Variants in TNFSF13 observed in about 807,000 individuals in gnomAD.
The protein encoded by TNFSF13 is TNF superfamily member 13.
In TNFSF13, 18 loss-of-function variants were observed where a neutral mutation model predicts 30.7. That is an observed-to-expected ratio of 0.59 (90% CI 0.41 to 0.87). The LOEUF (loss-of-function observed/expected upper bound fraction) is 0.87, where lower values mean the gene tolerates loss of function less well. Ranked by LOEUF, TNFSF13 falls within the 40% of genes least tolerant of loss-of-function variation. TNFSF13 has a pLI of 0.00. For missense variants in TNFSF13, 286 were observed against 308.8 expected (o/e 0.93, Z 0.55); for synonymous variants, 116 against 123.2 (o/e 0.94, Z 0.39).
chr17:7,560,395 CG>C lies in TNFSF13; in HGVS notation c.551del (p.Arg184GlnfsTer14). The C allele has an allele frequency of 6.2e-7, 1 of 1,614,134 alleles. No individual in the cohort carries two copies. The highest frequency in any genetic ancestry group is 2.2e-5 in the East Asian group (1 of 44,884). ...VTFTMGQVVS[R>X]EGQGRQETLF... ...TTTCACCATGGGTCAGGTGGTGTCT[CG>C]AGAAGGCCAAGGAAGGCAGGAGACT... On this transcript the variant is annotated frameshift_variant, in exon 5 of 6. Transcript: ENST00000338784. LOFTEE classifies it high-confidence loss of function.
At position 7,560,352 on chromosome 17, in the gene TNFSF13, C is replaced by T. The variant is rs754944826; in HGVS notation, c.507C>T (p.Val169=). 43 of 1,614,058 alleles carry T rather than the reference C, an allele frequency of 2.7e-5. No homozygotes were observed. In the Admixed American group the frequency reaches 6.8e-4, roughly 26 times the overall value. Residue 169 remains valine (V), a splice_region_variant and synonymous_variant, in exon 5 of 6, where the codon GTC becomes GTT. Coordinates refer to ENST00000338784, the MANE Select transcript of TNFSF13 (RefSeq NM_003808.4). ...TCAACATCTCCCTTCCCTGCCAGGTCCTGTTTCAAGACGTGACTTTCACCA... is the reference window on the plus strand; with the variant it reads ...TCAACATCTCCCTTCCCTGCCAGGTTCTGTTTCAAGACGTGACTTTCACCA... ...DAGVYLLYSQ[V]LFQDVTFTMG...
In TNFSF13 at chr17:7,559,843, C is replaced by T. The variant is rs200780297; in HGVS notation, c.338-3C>T. ...GGCTGAGATTCCCTCCTTCTCTCCT[C>T]AGAGCAGCACTCTGTCCTGCACCTG... On this transcript the variant is annotated splice_region_variant and splice_polypyrimidine_tract_variant and intron_variant, in intron 2 of 5. Transcript: ENST00000338784. This position sits in a 1 kb window ranked among gnomAD's most constrained non-coding sequence, Gnocchi z 5.4. 6.2e-7 allele frequency: 1 copy of T among 1,614,082 alleles called. No individual in the cohort carries two copies. The highest frequency in any genetic ancestry group is 2.2e-5 in the East Asian group (1 of 44,880).
At chr17:7,558,482 C>CT (rs2071107233), upstream of TNFSF13, 1 of 152,664 alleles carries the variant, frequency 6.6e-6, no homozygotes, top group Non-Finnish European at 1.5e-5. The surrounding 1 kb of genome is among the most constrained non-coding windows in gnomAD (Gnocchi z 4.3). Context: ...CCCCAGAACT[C>CT]AGCCAGTTTC....
Position 7,559,226 on chromosome 17 carries a change from A to G in TNFSF13, c.187A>G (p.Ser63Gly), listed in dbSNP as rs2071126509. ...TELQSLRREV[S>G]RLQGTGGPSQ... The stretch of plus-strand genomic sequence containing the variant: ...GCTGCAGAGCCTCAGGAGAGAGGTG[A>G]GCCGGCTGCAGGGGACAGGAGGCCC... The change falls in exon 1 of 6, where the codon AGC (serine) becomes GGC (glycine). Residue 63 changes from serine (S) to glycine (G), a missense_variant. Physicochemically the swap from Ser to Gly is moderately conservative, Grantham distance 56. Transcript: ENST00000338784. The surrounding 1 kb of genome is among the most constrained non-coding windows in gnomAD (Gnocchi z 5.4). 1.2e-6 allele frequency: 2 copies of G among 1,610,902 alleles called. No homozygotes were observed. The highest frequency in any genetic ancestry group is 1.7e-5 in the Admixed American group (1 of 59,868).
rs900283109 is a variant in TNFSF13 at position 7,560,972 on chromosome 17, T to A, written c.*139T>A. 2 of 1,614,144 alleles carry A rather than the reference T, an allele frequency of 1.2e-6. No homozygotes were observed. Among genetic ancestry groups the A allele is most frequent in the Non-Finnish European group, 1.7e-6 (2 of 1,180,006 alleles). ...CTGGGTTTGGCTCCCCGTTCCTCAC[T>A]TTTCCCTTTTCATTCCCACCCCCTA... On this transcript the variant is annotated 3_prime_UTR_variant, in exon 6 of 6. Transcript: ENST00000338784.
intron 5 of TNFSF13, 72 bp from the exon 6 acceptor site, chr17:7,560,652 G>A: frequency 1.2e-6 from 2 of 1,612,656 alleles, no homozygotes; most frequent in Admixed American, 3.3e-5. Context: ...GGTGGAGCTG[G>A]AGAAGGCAGG....
At chr17:7,560,638 G>C in intron 5 of TNFSF13, 86 bp from the exon 6 acceptor site, 1 of 1,612,110 alleles carries the variant, frequency 6.2e-7, no homozygotes, top group Non-Finnish European at 8.5e-7. Flanking sequence ...GGAGGCAGAG[G>C]AACGGTGGAG....
chr17:7,560,530 C>A (rs767568787), intron 5 of TNFSF13, 42 bp downstream of exon 5: 6 of 1,613,102 alleles, frequency 3.7e-6, no homozygotes, highest in Non-Finnish European at 5.1e-6. Context: ...CGTCTCTGAC[C>A]GGGGGTAGCA....
chr17:7,560,650 T>C (rs1161641348), intron 5 of TNFSF13, 74 bp from the exon 6 acceptor site: 7 of 1,612,404 alleles, frequency 4.3e-6, no homozygotes, highest in Non-Finnish European at 5.9e-6. Flanking sequence ...ACGGTGGAGC[T>C]GGAGAAGGCA....
In TNFSF13 at chr17:7,561,041, TC is replaced by T; in HGVS notation, c.*210del. On this transcript the variant is annotated 3_prime_UTR_variant, in exon 6 of 6. Transcript: ENST00000338784. The surrounding 1 kb of genome is among the most constrained non-coding windows in gnomAD (Gnocchi z 4.4). ...ATCTTGCTTCTGTTCCCCATGGAGCTCCGAATTCTTGCGTGTGTGTAGATGA... is the reference window on the plus strand; with the variant it reads ...ATCTTGCTTCTGTTCCCCATGGAGCTCGAATTCTTGCGTGTGTGTAGATGA... The T allele has an allele frequency of 6.2e-7, 1 of 1,614,050 alleles. No homozygotes were observed. Among genetic ancestry groups the T allele is most frequent in the East Asian group, 2.2e-5 (1 of 44,882 alleles).
chr17:7,559,904 T>C lies in TNFSF13; in HGVS notation c.385+11T>C, dbSNP rs372325273. On this transcript the variant is annotated intron_variant, in intron 3 of 5. Coordinates refer to ENST00000338784, the MANE Select transcript of TNFSF13 (RefSeq NM_003808.4). This position sits in a 1 kb window ranked among gnomAD's most constrained non-coding sequence, Gnocchi z 5.4. ...ACGCCACCTCCAAGGGTGAGCACTA[T>C]TTTAAATAATGGCTTTGGGGAGGGG... 4 of 1,614,102 alleles carry C rather than the reference T, an allele frequency of 2.5e-6. No homozygotes were observed. Among genetic ancestry groups the C allele is most frequent in the South Asian group, 1.1e-5 (1 of 91,076 alleles).
Position 7,559,423 on chromosome 17 carries a change from C to T in TNFSF13, c.258+126C>T. The T allele has an allele frequency of 1.4e-6, 2 of 1,427,810 alleles. No individual in the cohort carries two copies. Among genetic ancestry groups the T allele is most frequent in the South Asian group, 1.5e-5 (1 of 67,984 alleles). 88.4% of individuals were successfully genotyped at this position (1,427,810 alleles called of 1,614,324 possible). On this transcript the variant is annotated intron_variant, in intron 1 of 5. Transcript: ENST00000338784. This position sits in a 1 kb window ranked among gnomAD's most constrained non-coding sequence, Gnocchi z 5.4. ...CCGGTTTGGAAGTCAGGGGCGCGGC[C>T]ATTCCAGGAAAGGAAACTGTTAAAG... is the stretch of plus-strand genomic sequence containing the variant.
intron 4 of TNFSF13, 90 bp downstream of exon 4, chr17:7,560,257 A>C: frequency 6.2e-7 from 1 of 1,611,252 alleles, no homozygotes. Context: ...CAAACCCAGC[A>C]GACCCTTCTT....
At position 7,559,543 on chromosome 17, in the gene TNFSF13, G is replaced by T; in HGVS notation, c.259-81G>T. 1.3e-6 allele frequency: 2 copies of T among 1,540,056 alleles called. No individual in the cohort carries two copies. The highest frequency in any genetic ancestry group is 2.3e-5 in the East Asian group (1 of 43,764). On this transcript the variant is annotated intron_variant, in intron 1 of 5. Coordinates refer to ENST00000338784, the MANE Select transcript of TNFSF13 (RefSeq NM_003808.4). This position sits in a 1 kb window ranked among gnomAD's most constrained non-coding sequence, Gnocchi z 5.4. ...GTGCGTGAGAGATCTGAGGCATCTC[G>T]GGGGCAGGGGAGGGCTGGGAAGGCA...
chr17:7,560,910 TA>T lies in TNFSF13; in HGVS notation c.*80del. On this transcript the variant is annotated 3_prime_UTR_variant, in exon 6 of 6. Coordinates refer to ENST00000338784, the MANE Select transcript of TNFSF13 (RefSeq NM_003808.4). The stretch of plus-strand genomic sequence containing the variant: ...TGGAGACAGCCAAGAGCTGAGTATA[TA>T]AAGGAGAGGGAATGTGCAGGAACAG... 6.2e-7 allele frequency: 1 copy of T among 1,614,102 alleles called. No individual in the cohort carries two copies. The highest frequency in any genetic ancestry group is 2.2e-5 in the East Asian group (1 of 44,884).
In TNFSF13 at chr17:7,559,748, G is replaced by A. The variant is rs571533484; in HGVS notation, c.337+46G>A. On this transcript the variant is annotated intron_variant, in intron 2 of 5. Transcript: ENST00000338784. The surrounding 1 kb of genome is among the most constrained non-coding windows in gnomAD (Gnocchi z 5.4). Reference sequence around the variant, plus strand: ...CAGGGGTGGGAGGTGATCAAGCAGCGTGGGGATTGTAAGCCCGAGTCAGGG... The same window carrying A: ...CAGGGGTGGGAGGTGATCAAGCAGCATGGGGATTGTAAGCCCGAGTCAGGG... 15 of 1,613,884 alleles carry A rather than the reference G, an allele frequency of 9.3e-6. 1 individual carries two copies. The highest frequency in any genetic ancestry group is 4.4e-5 in the South Asian group (4 of 91,060).
intron 5 of TNFSF13, 64 bp from the exon 6 acceptor site, chr17:7,560,660 A>G (rs1027882348): frequency 1.2e-6 from 2 of 1,612,914 alleles, no homozygotes. Flanking sequence ...TGGAGAAGGC[A>G]GGGGGAAACA....
chr17:7,560,239 A>G, intron 4 of TNFSF13, 72 bp downstream of exon 4: 1 of 1,611,636 alleles, frequency 6.2e-7, no homozygotes, highest in South Asian at 1.1e-5. Flanking sequence ...TGACCCCTCT[A>G]TTCATACCAA....
chr17:7,560,619 G>C (rs933001151), intron 5 of TNFSF13, 105 bp from the exon 6 acceptor site: 3 of 1,610,940 alleles, frequency 1.9e-6, no homozygotes, highest in Non-Finnish European at 2.5e-6. Flanking sequence ...AGAATGCCGG[G>C]TCCTTACAGG....
Sources: gnomAD v4.1 joint callset for allele counts on GRCh38, gnomAD v4.1.1 for gene constraint, Gnocchi (gnomAD v3.1) non-coding constraint, MANE v1.5 for transcripts, NCBI Gene and HGNC (gene_info 2026-07-23, HGNC 2026-07-21) for gene names.